GFM1: variants seen among roughly 807,000 people sequenced by gnomAD.
GFM1 encodes elongation factor G, mitochondrial.
GFM1 carries 62 observed loss-of-function variants against 96.2 expected under a neutral mutation model. The ratio of observed to expected loss-of-function variants is 0.64; its 90% CI spans 0.53 to 0.80. GFM1 has a LOEUF of 0.80. Among genes scored for constraint, GFM1 ranks in the 30% least tolerant of loss-of-function variants. GFM1 has a pLI of 0.00. For missense variants in GFM1, 852 were observed against 916.6 expected (o/e 0.93, Z 0.91); for synonymous variants, 282 against 312.9 (o/e 0.90, Z 1.04).
chr3:158,695,201 C>A lies in GFM1; in HGVS notation c.*3734C>A, dbSNP rs1418210571. On this transcript the variant is annotated 3_prime_UTR_variant, in exon 18 of 18. Transcript: ENST00000486715. ...CCACCCTGGCCAACACGGTGAAACC[C>A]CGTCTCTACTATAAATACAAAAATC... 2.0e-5 allele frequency among the ~76,000 whole-genome samples: 3 copies of A among 151,822 alleles called. No homozygotes were observed. Among genetic ancestry groups the A allele is most frequent in the African/African-American group, 7.3e-5 (3 of 41,346 alleles).
At chr3:158,672,305 G>A in intron 13 of GFM1, 3 of 1,605,560 alleles carry the variant, frequency 1.9e-6, no homozygotes, top group Non-Finnish European at 8.5e-7. Flanking sequence ...TGGAGGGAGC[G>A]CAATCCTGAA....
chr3:158,649,352 A>G (rs897564308), intron 5 of GFM1, 195 bp downstream of exon 5: 9 of 456,252 alleles, frequency 2.0e-5, no homozygotes, highest in Non-Finnish European at 3.6e-5. Context: ...GTGAGAGACT[A>G]TGTTACTTTT....
intron 1 of GFM1, 77 bp from the exon 2 acceptor site, chr3:158,645,552 C>G: frequency 8.3e-7 from 1 of 1,204,900 alleles, no homozygotes; most frequent in Non-Finnish European, 1.2e-6. Context: ...GGAATAATGT[C>G]CACCATACTC....
intron 8 of GFM1, chr3:158,656,118 C>A (rs543361243): frequency 1.7e-5 from 4 of 234,668 alleles, no homozygotes; most frequent in Non-Finnish European, 3.4e-5. Context: ...TACAGACTTG[C>A]AGCATGATTT....
At chr3:158,653,214 A>G in intron 6 of GFM1, 96 bp from the exon 7 acceptor site, 1 of 971,566 alleles carries the variant, frequency 1.0e-6, no homozygotes, top group Non-Finnish European at 1.6e-6. Flanking sequence ...TCCAAAGAGT[A>G]GAGTATCAGT....
chr3:158,672,763 G>A (rs1724484314), intron 13 of GFM1: 1 of 335,756 alleles, frequency 3.0e-6, no homozygotes, highest in African/African-American at 2.1e-5. Context: ...TGGAGGAGAG[G>A]CCAGCATGCT....
rs75254073 is a variant in GFM1 at position 158,692,006 on chromosome 3, C to T, written c.*539C>T. On this transcript the variant is annotated 3_prime_UTR_variant, in exon 18 of 18. Coordinates refer to ENST00000486715, the MANE Select transcript of GFM1 (RefSeq NM_024996.7). ...GTTTGCTGAAGACTTGAAAGTGAAT[C>T]GCATATATCATGACACTTCTTGGAG... 783 of 157,034 alleles carry T rather than the reference C, an allele frequency of 5.0e-3. 7 individuals carry two copies. Among genetic ancestry groups the T allele is most frequent in the African/African-American group, 0.018 (756 of 41,588 alleles). The allele number at this position is 157,034 out of a possible 1,614,324, so 9.7% of individuals were successfully genotyped here.
chr3:158,666,232 A>ATT (rs1437344294), intron 12 of GFM1, 72 bp from the exon 13 acceptor site: 1 of 1,015,226 alleles, frequency 9.9e-7, no homozygotes, highest in African/African-American at 1.6e-5. Context: ...ACTAAGATAT[A>ATT]TAAGATGCTT....
chr3:158,654,985 C>G (rs1420090901), intron 8 of GFM1, among the ~76,000 whole-genome samples: 1 of 152,062 alleles, frequency 6.6e-6, no homozygotes, highest in African/African-American at 2.4e-5. Context: ...GTAGATACAC[C>G]AAAATTTGCT....
rs11405116 is a variant in GFM1 at position 158,644,980 on chromosome 3, GTTTTTTTT to G, written c.81+276_81+283del. 2.5e-4 allele frequency: 54 copies of G among 214,838 alleles called. 2 individuals carry two copies. Among genetic ancestry groups the G allele is most frequent in the South Asian group, 6.4e-5 (1 of 15,556 alleles). 13.3% of individuals were successfully genotyped at this position (214,838 alleles called of 1,614,324 possible). A position where few individuals can be genotyped will look rare whatever the true frequency, so the allele number is the denominator to read the frequency against. Reference sequence around the variant, plus strand: ...TGATATTTTATCCACCTTTTCTAAGGTTTTTTTTTTTTTTTTTTGCCTCTCTTTTCCCG... The same window carrying G: ...TGATATTTTATCCACCTTTTCTAAGGTTTTTTTTTTGCCTCTCTTTTCCCG... On this transcript the variant is annotated intron_variant, in intron 1 of 17. Coordinates refer to ENST00000486715, the MANE Select transcript of GFM1 (RefSeq NM_024996.7).
chr3:158,645,552 C>T (rs1315299781), intron 1 of GFM1, 77 bp from the exon 2 acceptor site: 1 of 1,204,782 alleles, frequency 8.3e-7, no homozygotes, highest in East Asian at 2.3e-5. Flanking sequence ...GGAATAATGT[C>T]CACCATACTC....
rs1721798301 is a variant in GFM1 at position 158,646,303 on chromosome 3, T to C, written c.367+6T>C. 4 of 1,613,798 alleles carry C rather than the reference T, an allele frequency of 2.5e-6. No homozygotes were observed. The East Asian group carries it at 6.7e-5, about 27-fold the overall frequency. ...TAACATTATAGATACTCCTGGTGAG[T>C]TGGATTCTTGGTTTTATTGCAGCTT... On this transcript the variant is annotated splice_donor_region_variant and intron_variant, in intron 3 of 17. Coordinates refer to ENST00000486715, the MANE Select transcript of GFM1 (RefSeq NM_024996.7).
At position 158,691,552 on chromosome 3, in the gene GFM1, T is replaced by C; in HGVS notation, c.*85T>C. 2 of 1,494,700 alleles carry C rather than the reference T, an allele frequency of 1.3e-6. No individual in the cohort carries two copies. Among genetic ancestry groups the C allele is most frequent in the Non-Finnish European group, 1.9e-6 (2 of 1,077,656 alleles). 92.6% of individuals were successfully genotyped at this position (1,494,700 alleles called of 1,614,324 possible). A position where few individuals can be genotyped will look rare whatever the true frequency, so the allele number is the denominator to read the frequency against. ...GGATTCCAGTGGAATAAATTCAGGC[T>C]GCTGAAACAAGAAATTCTGAGCCCA... On this transcript the variant is annotated 3_prime_UTR_variant, in exon 18 of 18. Transcript: ENST00000486715.
intron 13 of GFM1, among the ~76,000 whole-genome samples, chr3:158,674,908 A>G (rs1724739687): frequency 6.6e-6 from 1 of 152,314 alleles, no homozygotes; most frequent in South Asian, 2.1e-4. Context: ...AAAAATGTCT[A>G]AGAAAAAAAT....
chr3:158,691,271 TTTAC>T, intron 17 of GFM1, 61 bp from the exon 18 acceptor site: 2 of 1,609,362 alleles, frequency 1.2e-6, no homozygotes, highest in Non-Finnish European at 1.7e-6. Flanking sequence ...TTGTATGACT[TTTAC>T]TTGATAGTTT....
intron 2 of GFM1, 112 bp from the exon 3 acceptor site, chr3:158,646,053 G>C (rs1346758844): frequency 7.5e-7 from 1 of 1,329,680 alleles, no homozygotes; most frequent in African/African-American, 1.4e-5. Context: ...ACAGTGCTGG[G>C]ATTATAGGCA....
chr3:158,668,948 C>G (rs1492909), intron 13 of GFM1: 9 of 1,453,990 alleles, frequency 6.2e-6, no homozygotes, highest in South Asian at 1.2e-5. Context: ...ACAATACTTT[C>G]GATAAATATT....
chr3:158,644,658 CGTCGCGG>C lies in GFM1; in HGVS notation c.25_31del (p.Val9LeufsTer11). The C allele has an allele frequency of 6.3e-7, 1 of 1,575,342 alleles. No individual in the cohort carries two copies. The highest frequency in any genetic ancestry group is 1.2e-5 in the South Asian group (1 of 85,822). On this transcript the variant is annotated frameshift_variant, in exon 1 of 18. Coordinates refer to ENST00000486715, the MANE Select transcript of GFM1 (RefSeq NM_024996.7). LOFTEE classifies it high-confidence loss of function. ...CCATGAGACTCCTGGGAGCTGCAGC[CGTCGCGG>C]CTCTGGGGCGCGGAAGGGCCCCCGC...
chr3:158,657,004 T>C (rs935136337), intron 8 of GFM1: 1 of 152,160 alleles, frequency 6.6e-6, no homozygotes, highest in African/African-American at 2.4e-5. Context: ...AGTAAAATGG[T>C]ATTAGAAACC....
Sources: gnomAD v4.1 joint callset for allele counts (sites outside exome capture counted in the v4.1 genomes callset) on GRCh38, gnomAD v4.1.1 for gene constraint, MANE v1.5 for transcripts, NCBI Gene and HGNC (gene_info 2026-07-23, HGNC 2026-07-21) for gene names.